CUL2: variants seen among roughly 807,000 people sequenced by gnomAD.
CUL2 encodes cullin 2.
Under a neutral mutation model 110.2 loss-of-function variants are expected in CUL2, and 22 were observed. The ratio of observed to expected loss-of-function variants is 0.20; its 90% confidence interval spans 0.14 to 0.28. CUL2 has a LOEUF of 0.28. CUL2 is among the 10% of genes least tolerant of loss of function. CUL2 has a pLI of 1.00. For synonymous variants in CUL2, 279 were observed against 293.2 expected (o/e 0.95, Z 0.49); for missense variants, 631 against 905.5 (o/e 0.70, Z 3.89).
At chr10:35,053,411 A>G (rs559213418) in intron 5 of CUL2, among the ~76,000 whole-genome samples, 1 of 152,224 alleles carries the variant, frequency 6.6e-6, no homozygotes, top group South Asian at 2.1e-4. Context: ...TCTATGAACA[A>G]TTTTCTGCTA....
At chr10:35,092,108 C>A (rs888180849), upstream of CUL2, among the ~76,000 whole-genome samples, 1 of 152,120 alleles carries the variant, frequency 6.6e-6, no homozygotes, top group Non-Finnish European at 1.5e-5. Flanking sequence ...GCGTGCGCCA[C>A]CACACCCAGC....
intron 2 of CUL2, among the ~76,000 whole-genome samples, chr10:35,069,650 G>A (rs545343884): frequency 1.8e-4 from 28 of 151,918 alleles, no homozygotes; most frequent in Non-Finnish European, 2.9e-4. Context: ...TTCCAGGGAA[G>A]TAATCTATTT....
chr10:35,037,147 TTTTACCTTGTACA>T (rs1259168407), intron 9 of CUL2, among the ~76,000 whole-genome samples: 1 of 152,238 alleles, frequency 6.6e-6, no homozygotes, highest in Non-Finnish European at 1.5e-5. Context: ...AGTGTTATTT[TTTTACCTTGTACA>T]TTTAGAGAAA....
upstream of CUL2, among the ~76,000 whole-genome samples, chr10:35,091,517 C>A (rs1032653445): frequency 6.6e-6 from 1 of 152,068 alleles, no homozygotes; most frequent in African/African-American, 2.4e-5. Context: ...CCCTTTTAAT[C>A]TAGTGATTCT....
intron 9 of CUL2, among the ~76,000 whole-genome samples, chr10:35,036,831 T>C (rs1297015928): frequency 6.6e-6 from 1 of 152,018 alleles, no homozygotes; most frequent in Non-Finnish European, 1.5e-5. Flanking sequence ...CCTCCCAGAT[T>C]CAAGTGATCC....
At chr10:35,103,308 A>ATTTTTTTTTTTTTTTTTTTTTTTTT (rs67257350) in intron 1 of CUL2, among the ~76,000 whole-genome samples, 1 of 94,546 alleles carries the variant, frequency 1.1e-5, no homozygotes, top group East Asian at 3.4e-4. Flanking sequence ...GGCCAAGCTA[A>ATTTTTTTTTTTTTTTTTTTTTTTTT]TTTTTTTTTT....
At chr10:35,102,445 G>A (rs1040569256) in intron 1 of CUL2, among the ~76,000 whole-genome samples, 2 of 151,512 alleles carry the variant, frequency 1.3e-5, no homozygotes, top group African/African-American at 2.4e-5. Context: ...GGTAGCACAT[G>A]CCTGTAATTC....
chr10:35,035,372 G>A, intron 9 of CUL2, 76 bp from the exon 10 acceptor site: 6 of 1,522,892 alleles, frequency 3.9e-6, no homozygotes, highest in Non-Finnish European at 5.4e-6. Context: ...TCCAAGTGCA[G>A]GAGTACAATA....
intron 1 of CUL2, among the ~76,000 whole-genome samples, chr10:35,106,893 A>G (rs774336523): frequency 2.0e-5 from 3 of 152,040 alleles, no homozygotes; most frequent in Non-Finnish European, 4.4e-5. Context: ...TGTTATCATT[A>G]TAACTCCTGT....
intron 8 of CUL2, among the ~76,000 whole-genome samples, chr10:35,041,190 G>A (rs1381111111): frequency 6.6e-6 from 1 of 152,198 alleles, no homozygotes; most frequent in Non-Finnish European, 1.5e-5. Context: ...GTCATTCAGA[G>A]CATACTATAG....
intron 6 of CUL2, 98 bp downstream of exon 6, chr10:35,049,585 C>A (rs1588999646): frequency 4.4e-6 from 4 of 917,894 alleles, no homozygotes; most frequent in East Asian, 2.7e-5. Flanking sequence ...TAAAACCAGC[C>A]CCAAGGCTAG....
intron 16 of CUL2, 104 bp from the exon 17 acceptor site, chr10:35,025,302 A>T: frequency 7.3e-7 from 1 of 1,375,458 alleles, no homozygotes; most frequent in Non-Finnish European, 9.4e-7. Context: ...ATATTAGAAG[A>T]GACATTAAAG....
Position 35,028,141 on chromosome 10 carries a change from T to C in CUL2, c.1617+669A>G, listed in dbSNP as rs565175604. Among the ~76,000 whole-genome samples the C allele has an allele frequency of 6.5e-4, 99 of 152,302 alleles. 1 individual carries two copies. Among genetic ancestry groups the C allele is most frequent in the African/African-American group, 2.1e-3 (86 of 41,568 alleles). ...CAAAATTTGTAATAACCTTGGATTATAGTCTGCCCCATCCAATGAATGTCT... is the reference window on the plus strand; with the variant it reads ...CAAAATTTGTAATAACCTTGGATTACAGTCTGCCCCATCCAATGAATGTCT... On this transcript the variant is annotated intron_variant, in intron 16 of 20. Coordinates refer to ENST00000374749, the MANE Select transcript of CUL2 (RefSeq NM_003591.4).
chr10:35,076,319 T>C (rs1238933466), intron 1 of CUL2, among the ~76,000 whole-genome samples: 2 of 152,156 alleles, frequency 1.3e-5, no homozygotes, highest in Non-Finnish European at 2.9e-5. Flanking sequence ...TGCTCTAAAG[T>C]TGATTGTCAT....
chr10:35,076,696 ATC>A (rs912631336), intron 1 of CUL2, among the ~76,000 whole-genome samples: 40 of 152,080 alleles, frequency 2.6e-4, no homozygotes, highest in African/African-American at 9.4e-4. Flanking sequence ...TATTTTTTTC[ATC>A]TGTTTTACAT....
At chr10:35,095,808 G>A (rs1446201082) in intron 2 of CUL2, among the ~76,000 whole-genome samples, 6 of 151,888 alleles carry the variant, frequency 4.0e-5, no homozygotes, top group East Asian at 1.9e-4. Flanking sequence ...TGATCCACCC[G>A]CCTCAGCCTC....
At chr10:35,034,593 A>G (rs1261883765) in intron 10 of CUL2, among the ~76,000 whole-genome samples, 4 of 152,204 alleles carry the variant, frequency 2.6e-5, no homozygotes, top group Non-Finnish European at 4.4e-5. Context: ...ATTACCAGTA[A>G]TAACAAGATT....
intron 4 of CUL2, among the ~76,000 whole-genome samples, chr10:35,055,950 C>T (rs1564727382): frequency 6.6e-6 from 1 of 152,170 alleles, no homozygotes; most frequent in Non-Finnish European, 1.5e-5. Flanking sequence ...CCCTTTCATC[C>T]GAGTCTCAGC....
intron 4 of CUL2, among the ~76,000 whole-genome samples, chr10:35,057,468 T>C (rs567083483): frequency 1.3e-5 from 2 of 151,696 alleles, no homozygotes; most frequent in Non-Finnish European, 2.9e-5. Flanking sequence ...CTGGCCAACA[T>C]GGTGAAACCC....
Sources: allele counts gnomAD v4.1 joint callset (sites outside exome capture counted in the v4.1 genomes callset), GRCh38; gene constraint gnomAD v4.1.1; transcripts MANE v1.5; gene names NCBI Gene and HGNC (gene_info 2026-07-23, HGNC 2026-07-21).